The following TAFA1 variants were observed in gnomAD, a reference collection of about 807,000 sequenced individuals.
The protein encoded by TAFA1 is TAFA chemokine like family member 1, also known as chemokine-like protein TAFA-1.
In TAFA1, 4 loss-of-function variants were observed where a neutral mutation model predicts 18.5. That is an observed-to-expected ratio of 0.22 (90% CI 0.11 to 0.49). The LOEUF (loss-of-function observed/expected upper bound fraction) is 0.49. Among genes scored for constraint, TAFA1 ranks in the 20% least tolerant of loss-of-function variants. The pLI is 0.98. For synonymous variants in TAFA1, 56 were observed against 55.2 expected, an observed-to-expected ratio of 1.01 and a Z score of -0.06; for missense variants, 147 against 169.0, an observed-to-expected ratio of 0.87 and a Z score of 0.72.
intron 2 of TAFA1, among the ~76,000 whole-genome samples, chr3:68,401,233 T>A (rs574995443): frequency 6.6e-6 from 1 of 152,268 alleles, no homozygotes; most frequent in East Asian, 1.9e-4. Flanking sequence ...TAAGGAGGGC[T>A]TCCTTGAGGA....
Position 68,395,487 on chromosome 3 carries a change from C to T in TAFA1, c.119-21793C>T, listed in dbSNP as rs72499073. On this transcript the variant is annotated intron_variant, in intron 2 of 4. Coordinates refer to ENST00000478136, the MANE Select transcript of TAFA1 (RefSeq NM_213609.4). ...AATCATTGCACTATAAAGACACATA[C>T]GTTTACTGCACATGCACACATACGT... Among the ~76,000 whole-genome samples, 81 of 152,150 alleles carry T rather than the reference C, an allele frequency of 5.3e-4. No individual in the cohort carries two copies. In the East Asian group the frequency reaches 0.012, roughly 22 times the overall value.
At chr3:68,279,281 G>T (rs1429667827) in intron 2 of TAFA1, among the ~76,000 whole-genome samples, 4 of 152,094 alleles carry the variant, frequency 2.6e-5, no homozygotes, top group African/African-American at 9.7e-5. Context: ...ATTTGGGGAG[G>T]GGTCCAGGAA....
At chr3:68,125,966 T>C (rs1295737428) in intron 2 of TAFA1, among the ~76,000 whole-genome samples, 1 of 152,190 alleles carries the variant, frequency 6.6e-6, no homozygotes, top group Admixed American at 6.5e-5. Context: ...TGCTTCTCAG[T>C]GGCTCTGTGG....
At chr3:68,114,939 C>T (rs935686178) in intron 2 of TAFA1, among the ~76,000 whole-genome samples, 4 of 152,140 alleles carry the variant, frequency 2.6e-5, no homozygotes, top group African/African-American at 4.8e-5. Flanking sequence ...TTAAAGAATG[C>T]CTGCTATATT....
In TAFA1 at chr3:68,172,499, A is replaced by G. The variant is rs535970210; in HGVS notation, c.118+165755A>G. Among the ~76,000 whole-genome samples, 4 of 152,328 alleles carry G rather than the reference A, an allele frequency of 2.6e-5. No individual in the cohort carries two copies. The East Asian group carries it at 7.7e-4, about 29-fold the overall frequency. ...TAGAGAACAGTTAAGTAGTTCCTCA[A>G]AATGTTAAACATAGCACTGCCATGT... On this transcript the variant is annotated intron_variant, in intron 2 of 4. Coordinates refer to ENST00000478136, the MANE Select transcript of TAFA1 (RefSeq NM_213609.4).
chr3:68,266,107 C>T (rs563262886), intron 2 of TAFA1, among the ~76,000 whole-genome samples: 4 of 152,138 alleles, frequency 2.6e-5, no homozygotes, highest in African/African-American at 9.6e-5. Context: ...AAGAAAGCAC[C>T]CGTGATAAGT....
intron 3 of TAFA1, among the ~76,000 whole-genome samples, chr3:68,514,178 G>A (rs559890266): frequency 6.6e-6 from 1 of 152,226 alleles, no homozygotes; most frequent in South Asian, 2.1e-4. Flanking sequence ...TTGGAGGTTA[G>A]GAATTCAATG....
chr3:68,013,688 A>G (rs1704515636), intron 2 of TAFA1, among the ~76,000 whole-genome samples: 1 of 152,186 alleles, frequency 6.6e-6, no homozygotes, highest in African/African-American at 2.4e-5. Flanking sequence ...GGGAATAAAG[A>G]GAAGATGAAT....
chr3:68,443,749 T>A (rs2071427753), intron 3 of TAFA1, among the ~76,000 whole-genome samples: 1 of 151,968 alleles, frequency 6.6e-6, no homozygotes, highest in Non-Finnish European at 1.5e-5. Context: ...ATTGTGGGAG[T>A]TACATATCAA....
chr3:68,421,831 T>A (rs959101873), intron 3 of TAFA1, among the ~76,000 whole-genome samples: 3 of 152,082 alleles, frequency 2.0e-5, no homozygotes, highest in African/African-American at 7.2e-5. Context: ...GAGAGAAACT[T>A]TTTTTATGAG....
intron 2 of TAFA1, among the ~76,000 whole-genome samples, chr3:68,230,843 G>C (rs113331966): frequency 6.6e-6 from 1 of 151,900 alleles, no homozygotes; most frequent in Non-Finnish European, 1.5e-5. Flanking sequence ...ATCCCATTGT[G>C]GTTTTCATTT....
At chr3:68,534,022 C>CGT (rs1179806785) in intron 3 of TAFA1, among the ~76,000 whole-genome samples, 2 of 151,962 alleles carry the variant, frequency 1.3e-5, no homozygotes, top group East Asian at 3.9e-4. Context: ...ATATTTTACC[C>CGT]GTATATATAT....
chr3:68,495,551 G>A (rs1214979343), intron 3 of TAFA1, among the ~76,000 whole-genome samples: 6 of 152,060 alleles, frequency 3.9e-5, no homozygotes, highest in Admixed American at 6.5e-5. Flanking sequence ...TTAAAAGTCG[G>A]CAAATAAGTG....
intron 2 of TAFA1, among the ~76,000 whole-genome samples, chr3:68,412,947 G>A (rs1360913440): frequency 2.6e-5 from 4 of 151,368 alleles, no homozygotes; most frequent in African/African-American, 4.9e-5. Context: ...CTGAGGAATT[G>A]CCACACTGAC....
At chr3:68,239,209 C>T (rs2066967528) in intron 2 of TAFA1, among the ~76,000 whole-genome samples, 1 of 152,072 alleles carries the variant, frequency 6.6e-6, no homozygotes, top group Non-Finnish European at 1.5e-5. Flanking sequence ...CCTCCCTTTT[C>T]ATTTGTCAAG....
chr3:68,283,728 T>G (rs370620706), intron 2 of TAFA1, among the ~76,000 whole-genome samples: 3 of 152,196 alleles, frequency 2.0e-5, no homozygotes, highest in Non-Finnish European at 4.4e-5. Flanking sequence ...TTCCTAGCTA[T>G]CCTACCTCAC....
intron 2 of TAFA1, among the ~76,000 whole-genome samples, chr3:68,387,868 G>T (rs1001716343): frequency 6.6e-5 from 10 of 152,072 alleles, no homozygotes; most frequent in Admixed American, 5.2e-4. Context: ...ATTTCATTCA[G>T]CTCTAGGTTT....
intron 2 of TAFA1, among the ~76,000 whole-genome samples, chr3:68,229,485 GT>G (rs1477180108): frequency 6.6e-6 from 1 of 152,198 alleles, no homozygotes; most frequent in East Asian, 1.9e-4. Flanking sequence ...AATCAAAGTA[GT>G]AGCACAAGGC....
intron 3 of TAFA1, among the ~76,000 whole-genome samples, chr3:68,429,675 C>T (rs908218570): frequency 4.0e-5 from 6 of 151,828 alleles, no homozygotes; most frequent in Non-Finnish European, 8.8e-5. Context: ...TCCTCATTCC[C>T]GAATTTCAAG....
Sources: allele counts gnomAD v4.1 joint callset (sites outside exome capture counted in the v4.1 genomes callset), GRCh38; gene constraint gnomAD v4.1.1; transcripts MANE v1.5; gene names NCBI Gene and HGNC (gene_info 2026-07-23, HGNC 2026-07-21).